DSC2: variants seen among roughly 807,000 people sequenced by gnomAD.
The protein encoded by DSC2 is desmocollin-2.
DSC2 carries 51 observed loss-of-function variants against 87.6 expected under a neutral mutation model. The ratio of observed to expected loss-of-function variants is 0.58; its 90% CI spans 0.46 to 0.74. DSC2 has a LOEUF of 0.74. Among genes scored for constraint, DSC2 ranks in the 30% least tolerant of loss-of-function variants. The pLI is 0.00. For synonymous variants in DSC2, 383 were observed against 393.2 expected (o/e 0.97, Z 0.31); for missense variants, 1,066 against 1,089.5 (o/e 0.98, Z 0.30).
At chr18:31,069,288 T>C (rs1335045106) in intron 14 of DSC2, 137 bp from the exon 15 acceptor site, 11 of 1,148,754 alleles carry the variant, frequency 9.6e-6, no homozygotes, top group Non-Finnish European at 6.2e-6. Flanking sequence ...GAACTAAATC[T>C]ATTTTGTGAA....
intron 7 of DSC2, among the ~76,000 whole-genome samples, chr18:31,084,264 G>C (rs1252150484): frequency 6.6e-6 from 1 of 152,050 alleles, no homozygotes; most frequent in African/African-American, 2.4e-5. Flanking sequence ...CCAATCACAT[G>C]TGTAGACTTG....
intron 7 of DSC2, among the ~76,000 whole-genome samples, chr18:31,085,868 A>G (rs551770345): frequency 1.4e-3 from 214 of 152,246 alleles, no homozygotes; most frequent in African/African-American, 4.9e-3. Context: ...TTGAATAACT[A>G]AGTGAATGAA....
rs750965801 is a variant in DSC2, at chr18:31,080,106, T to C, written c.1510A>G (p.Ser504Gly). Residue 504 changes from serine (S) to glycine (G), a missense_variant, in exon 10 of 16, where the codon AGT (serine) becomes GGT (glycine). By Grantham distance (56) the Ser-to-Gly change is moderately conservative. Transcript: ENST00000280904. The stretch of plus-strand genomic sequence containing the variant: ...TAGAATGGTAAGTACCTTATGCCAC[T>C]GCTACTTCTTGTTTCTGGGTCATAT... ...KAYDPETRSS[S>G]GIRYKKLTDP... 10 of 1,614,046 alleles carry C rather than the reference T, an allele frequency of 6.2e-6. No homozygotes were observed. The highest frequency in any genetic ancestry group is 8.5e-6 in the Non-Finnish European group (10 of 1,180,022).
intron 3 of DSC2, 60 bp downstream of exon 3, chr18:31,092,041 G>T: frequency 1.3e-6 from 2 of 1,515,374 alleles, no homozygotes; most frequent in Non-Finnish European, 1.8e-6. Flanking sequence ...ATCTTCCCTG[G>T]TAATGTTGAT....
rs1301492528 is a variant in DSC2 at position 31,102,246 on chromosome 18, T to A, written c.-275A>T. 2.7e-6 allele frequency: 1 copy of A among 371,948 alleles called. No homozygotes were observed. Among genetic ancestry groups the A allele is most frequent in the Non-Finnish European group, 4.8e-6 (1 of 210,350 alleles). 23.0% of individuals were successfully genotyped at this position (371,948 alleles called of 1,614,324 possible). ...TGTTGTCTATTTAAGACTTAAGACT[T>A]CATTTCTCTAAGAAAGCCACGGGTG... is the stretch of plus-strand genomic sequence containing the variant. On this transcript the variant is annotated 5_prime_UTR_variant, in exon 1 of 16. An upstream open reading frame in the 5' UTR gains an earlier in-frame stop. Coordinates refer to ENST00000280904, the MANE Select transcript of DSC2 (RefSeq NM_024422.6).
intron 7 of DSC2, among the ~76,000 whole-genome samples, chr18:31,083,922 G>A (rs529509494): frequency 2.0e-4 from 31 of 152,278 alleles, no homozygotes; most frequent in Non-Finnish European, 3.1e-4. Flanking sequence ...TGAGCATTAG[G>A]AGACTTGGGT....
At chr18:31,078,499 G>C (rs1284957179) in intron 11 of DSC2, among the ~76,000 whole-genome samples, 3 of 151,666 alleles carry the variant, frequency 2.0e-5, no homozygotes, top group Admixed American at 1.3e-4. Flanking sequence ...TCTAATTTCA[G>C]ACAGCAATTT....
At chr18:31,069,811 A>G (rs765231576) in intron 14 of DSC2, among the ~76,000 whole-genome samples, 4 of 152,168 alleles carry the variant, frequency 2.6e-5, no homozygotes, top group Non-Finnish European at 4.4e-5. Flanking sequence ...GTTGTCTCAC[A>G]TATACTTACT....
At position 31,073,723 on chromosome 18, in the gene DSC2, C is replaced by T. The variant is rs77360993; in HGVS notation, c.1888+960G>A. ...GGCAGTGTGAGCAGGAGATGGGGAA[C>T]ATGCTGAAGAGTTACGCGCCAACTA... On this transcript the variant is annotated intron_variant, in intron 12 of 15. Transcript: ENST00000280904. Among the ~76,000 whole-genome samples the T allele has an allele frequency of 6.3e-3, 962 of 152,232 alleles. 12 individuals are homozygous for T. Among genetic ancestry groups the T allele is most frequent in the African/African-American group, 0.022 (909 of 41,544 alleles).
Position 31,089,441 on chromosome 18 carries a change from C to T in DSC2, c.628G>A (p.Glu210Lys). The T allele has an allele frequency of 6.2e-7, 1 of 1,613,718 alleles. No homozygotes were observed. Among genetic ancestry groups the T allele is most frequent in the South Asian group, 1.1e-5 (1 of 91,080 alleles). ...PVDREQYESFEIIAFATTPDG... is the reference protein window; with the variant it reads ...PVDREQYESFKIIAFATTPDG... ...AGTACACACATTTTAGACTTTACCT[C>T]AAAAGATTCATACTGCTCACGATCT... Residue 210 changes from glutamate (E) to lysine (K), a missense_variant and splice_region_variant, in exon 5 of 16, where the codon GAG becomes AAG. Coordinates refer to ENST00000280904, the MANE Select transcript of DSC2 (RefSeq NM_024422.6).
Position 31,074,812 on chromosome 18 carries a change from G to T in DSC2, c.1759C>A (p.Pro587Thr), listed in dbSNP as rs766561610. 2 of 1,613,842 alleles carry T rather than the reference G, an allele frequency of 1.2e-6. No homozygotes were observed. Among genetic ancestry groups the T allele is most frequent in the Non-Finnish European group, 1.7e-6 (2 of 1,179,988 alleles). The part of the protein sequence containing the change: ...IPKKTVIICK[P>T]TMSSAEIVAV... ...ACAATCTCCGCAGATGACATGGTGG[G>T]TTTGCAGATGATCACTGTCTTTTTA... is the stretch of plus-strand genomic sequence containing the variant. The change falls in exon 12 of 16, where the codon CCC becomes ACC. Residue 587 changes from proline to threonine, a missense_variant. Transcript: ENST00000280904.
chr18:31,097,686 A>G (rs1489748433), intron 1 of DSC2, among the ~76,000 whole-genome samples: 1 of 151,932 alleles, frequency 6.6e-6, no homozygotes, highest in African/African-American at 2.4e-5. Context: ...GCATATGAAT[A>G]GAATGATATT....
intron 5 of DSC2, 83 bp from the exon 6 acceptor site, chr18:31,087,896 TGGAGACTGTTCAGAACTA>T: frequency 7.0e-7 from 1 of 1,429,912 alleles, no homozygotes. Context: ...GGCTTTAACT[TGGAGACTGTTCAGAACTA>T]CAGTATGAGT....
At chr18:31,074,996 A>G in intron 11 of DSC2, 89 bp from the exon 12 acceptor site, 4 of 1,330,712 alleles carry the variant, frequency 3.0e-6, no homozygotes, top group Non-Finnish European at 4.2e-6. Context: ...ATATTTATTA[A>G]GCACCTATAA....
chr18:31,069,167 T>A lies in DSC2; in HGVS notation c.2251-16A>T. Reference sequence around the variant, plus strand: ...TCGCAGAATACTGAAATGAAAACAATTTGCATTAGGGATAATACAGAGAGG... The same window carrying A: ...TCGCAGAATACTGAAATGAAAACAAATTGCATTAGGGATAATACAGAGAGG... On this transcript the variant is annotated splice_polypyrimidine_tract_variant and intron_variant, in intron 14 of 15. Coordinates refer to ENST00000280904, the MANE Select transcript of DSC2 (RefSeq NM_024422.6). 6.2e-7 allele frequency: 1 copy of A among 1,613,908 alleles called. No individual in the cohort carries two copies.
At position 31,083,028 on chromosome 18, in the gene DSC2, T is replaced by C. The variant is rs1411764092; in HGVS notation, c.975A>G (p.Val325=). Residue 325 remains valine (V), a synonymous_variant, in exon 8 of 16, where the codon GTA becomes GTG. Transcript: ENST00000280904. ...CAAAATACTGACCATCCATGTCTTG[T>C]ACTTTTATTTTCAACTGGTACTTGT... The part of the protein sequence containing the change: ...LIDKYQLKIK[V]QDMDGQYFGL... 8 of 1,612,824 alleles carry C rather than the reference T, an allele frequency of 5.0e-6. No individual in the cohort carries two copies. The highest frequency in any genetic ancestry group is 6.8e-6 in the Non-Finnish European group (8 of 1,179,690).
chr18:31,098,408 C>T (rs1345387420), intron 1 of DSC2, among the ~76,000 whole-genome samples: 1 of 152,000 alleles, frequency 6.6e-6, no homozygotes, highest in Non-Finnish European at 1.5e-5. Context: ...AGCTTTCTGT[C>T]TAGCCATATA....
rs879551054 is a variant in DSC2 at position 31,101,548 on chromosome 18, G to GCCCCGGCGCACTCCGA, written c.69+339_69+354dup. On this transcript the variant is annotated intron_variant, in intron 1 of 15. Transcript: ENST00000280904. ...CGCACTCCCGCCCCGGCGCACTCCC[G>GCCCCGGCGCACTCCGA]CCCCGGCGCACTCCGACCCCGGCGC... 1,485 of 245,490 alleles carry GCCCCGGCGCACTCCGA rather than the reference G, an allele frequency of 6.0e-3. 29 individuals are homozygous for GCCCCGGCGCACTCCGA. The highest frequency in any genetic ancestry group is 0.038 in the Admixed American group (629 of 16,648). The allele number at this position is 245,490 out of a possible 1,614,324, so 15.2% of individuals were successfully genotyped here. A position where few individuals can be genotyped will look rare whatever the true frequency, so the allele number is the denominator to read the frequency against.
In DSC2 at chr18:31,058,989, G is replaced by C. The variant is rs1986450408; in HGVS notation, c.*9026C>G. The C allele has an allele frequency of 6.6e-6, 1 of 152,122 alleles. No individual in the cohort carries two copies. Among genetic ancestry groups the C allele is most frequent in the Admixed American group, 6.6e-5 (1 of 15,266 alleles). 9.4% of individuals were successfully genotyped at this position (152,122 alleles called of 1,614,324 possible). A position where few individuals can be genotyped will look rare whatever the true frequency, so the allele number is the denominator to read the frequency against. The stretch of plus-strand genomic sequence containing the variant: ...AACATTTACATAGAACTATGTTCTA[G>C]CAATTTTTTAAAGCAGATGAGGAAA... On this transcript the variant is annotated 3_prime_UTR_variant, in exon 16 of 16. Coordinates refer to ENST00000280904, the MANE Select transcript of DSC2 (RefSeq NM_024422.6).
Sources: allele counts gnomAD v4.1 joint callset (sites outside exome capture counted in the v4.1 genomes callset), GRCh38; gene constraint gnomAD v4.1.1; transcripts MANE v1.5; gene names NCBI Gene and HGNC (gene_info 2026-07-23, HGNC 2026-07-21).